Variants in MBD5 observed in about 807,000 individuals in gnomAD.
MBD5 encodes the protein methyl-CpG-binding domain protein 5.
In MBD5, 13 loss-of-function variants were observed where a neutral mutation model predicts 117.3. The observed-to-expected ratio is 0.11, with a 90% confidence interval of 0.07 to 0.18. The LOEUF is 0.18. Ranked by LOEUF, MBD5 falls within the 10% of genes least tolerant of loss-of-function variation. The probability of loss-of-function intolerance (pLI) is 1.00; values close to 1 mark genes in which losing one functional copy is unlikely to be tolerated. For synonymous variants in MBD5, 727 were observed against 766.4 expected (o/e 0.95, Z 0.85); for missense variants, 1,879 against 2,093.8 (o/e 0.90, Z 2.00).
At chr2:148,123,278 T>G (rs929139029) in intron 1 of MBD5, among the ~76,000 whole-genome samples, 9 of 152,230 alleles carry the variant, frequency 5.9e-5, no homozygotes, top group Non-Finnish European at 1.2e-4. Flanking sequence ...AACAGATATA[T>G]GTCTTAAGAA....
intron 1 of MBD5, among the ~76,000 whole-genome samples, chr2:148,138,882 A>G (rs1454588863): frequency 6.6e-6 from 1 of 152,184 alleles, no homozygotes; most frequent in Non-Finnish European, 1.5e-5. Context: ...AAGAATGATA[A>G]ACAATTGATT....
At chr2:148,042,276 T>C (rs965963382) in intron 1 of MBD5, among the ~76,000 whole-genome samples, 2 of 152,200 alleles carry the variant, frequency 1.3e-5, no homozygotes, top group African/African-American at 4.8e-5. Flanking sequence ...TGTCCTTTCT[T>C]GGCAATTTTT....
chr2:148,475,429 C>T (rs963768792), intron 8 of MBD5, among the ~76,000 whole-genome samples: 1 of 151,566 alleles, frequency 6.6e-6, no homozygotes, highest in Non-Finnish European at 1.5e-5. Flanking sequence ...ATTTTGTTTA[C>T]TTATTCCAGG....
At chr2:148,438,062 G>A (rs182920474) in intron 4 of MBD5, among the ~76,000 whole-genome samples, 10 of 152,242 alleles carry the variant, frequency 6.6e-5, no homozygotes, top group East Asian at 3.9e-4. Flanking sequence ...ATGTACTTTC[G>A]TGGAGTCAAA....
chr2:148,212,341 C>T (rs1202789931), intron 2 of MBD5, among the ~76,000 whole-genome samples: 1 of 152,124 alleles, frequency 6.6e-6, no homozygotes, highest in Non-Finnish European at 1.5e-5. Context: ...AATACATGGC[C>T]TTTTGTTTCT....
chr2:148,146,541 A>G (rs1192385902), intron 1 of MBD5, among the ~76,000 whole-genome samples: 1 of 151,726 alleles, frequency 6.6e-6, no homozygotes, highest in African/African-American at 2.4e-5. Context: ...CTGGCCTTGT[A>G]TTTGCCTTTT....
intron 1 of MBD5, among the ~76,000 whole-genome samples, chr2:148,066,687 A>G (rs1020593585): frequency 5.3e-5 from 8 of 152,028 alleles, no homozygotes; most frequent in African/African-American, 1.7e-4. Context: ...TGTGTTGCCT[A>G]GCCTGGTCTT....
rs183323132 is a variant in MBD5, at chr2:148,341,837, T to C, written c.-679-377T>C. On this transcript the variant is annotated intron_variant, in intron 3 of 13. Transcript: ENST00000642680. ...AGTACCTGGCACAGAGCAATAAATA[T>C]TGTTGAATAAATATCAAATAAAAAG... 8.5e-3 allele frequency among the ~76,000 whole-genome samples: 1,258 copies of C among 147,938 alleles called. 8 individuals carry two copies. Among genetic ancestry groups the C allele is most frequent in the Middle Eastern group, 0.017 (5 of 290 alleles).
At chr2:148,180,358 A>ATATATATATATATATATATG (rs1302286887) in intron 2 of MBD5, among the ~76,000 whole-genome samples, 1 of 118,904 alleles carries the variant, frequency 8.4e-6, no homozygotes, top group Non-Finnish European at 1.9e-5. Flanking sequence ...ATATATATAT[A>ATATATATATATATATATATG]TATGTATATA....
intron 4 of MBD5, among the ~76,000 whole-genome samples, chr2:148,353,879 C>A (rs1323625164): frequency 1.1e-4 from 16 of 152,122 alleles, no homozygotes; most frequent in Admixed American, 1.0e-3. Flanking sequence ...CCATGCCCAT[C>A]CTTTATTTAG....
intron 1 of MBD5, among the ~76,000 whole-genome samples, chr2:148,140,833 T>C (rs1218995087): frequency 6.6e-6 from 1 of 152,016 alleles, no homozygotes; most frequent in East Asian, 1.9e-4. Context: ...TGGTGTGATC[T>C]TGGCCCACTG....
chr2:148,179,039 C>T (rs1698454182), intron 2 of MBD5, among the ~76,000 whole-genome samples: 1 of 152,062 alleles, frequency 6.6e-6, no homozygotes, highest in African/African-American at 2.4e-5. Flanking sequence ...CAAGTGCAAA[C>T]CAGTTAAGAA....
chr2:148,183,193 C>T (rs1273038555), intron 2 of MBD5, among the ~76,000 whole-genome samples: 1 of 151,998 alleles, frequency 6.6e-6, no homozygotes, highest in Non-Finnish European at 1.5e-5. Flanking sequence ...GGTCTGATGT[C>T]CTCTACATTT....
rs184052430 is a variant in MBD5, at chr2:148,398,623, G to T, written c.-557+56287G>T. Among the ~76,000 whole-genome samples the T allele has an allele frequency of 8.3e-3, 1,259 of 152,202 alleles. 21 individuals carry two copies. Among genetic ancestry groups the T allele is most frequent in the African/African-American group, 0.026 (1,076 of 41,498 alleles). On this transcript the variant is annotated intron_variant, in intron 4 of 13. Coordinates refer to ENST00000642680, the MANE Select transcript of MBD5 (RefSeq NM_001378120.1). ...AGGTTGCCTGTTCACTCTGATGGTA[G>T]TTTCTTTTGCTGTGCACAAGCTCTT...
intron 8 of MBD5, among the ~76,000 whole-genome samples, chr2:148,481,038 A>C (rs1421470650): frequency 6.6e-6 from 1 of 151,834 alleles, no homozygotes; most frequent in African/African-American, 2.4e-5. Flanking sequence ...TTTTATTTTT[A>C]TAGACTTTTC....
At chr2:148,321,308 T>TA (rs34338782) in intron 3 of MBD5, among the ~76,000 whole-genome samples, 34 of 147,792 alleles carry the variant, frequency 2.3e-4, no homozygotes, top group East Asian at 9.8e-4. Context: ...GCTGATGAAC[T>TA]AAAAAAAAAA....
chr2:148,244,555 C>G (rs1700292839), intron 3 of MBD5, among the ~76,000 whole-genome samples: 1 of 151,940 alleles, frequency 6.6e-6, no homozygotes, highest in African/African-American at 2.4e-5. Context: ...ATCATTTTGT[C>G]TTTGTATGTT....
intron 3 of MBD5, among the ~76,000 whole-genome samples, chr2:148,320,246 C>G (rs1469751862): frequency 6.6e-6 from 1 of 152,068 alleles, no homozygotes; most frequent in Admixed American, 6.6e-5. Context: ...CCATACAGAC[C>G]TCATAGAATG....
intron 4 of MBD5, among the ~76,000 whole-genome samples, chr2:148,376,797 T>G (rs1704001570): frequency 7.5e-6 from 1 of 133,502 alleles, no homozygotes. Context: ...TATATATAAT[T>G]TTATATATAA....
Sources: gnomAD v4.1 joint callset for allele counts (sites outside exome capture counted in the v4.1 genomes callset) on GRCh38, gnomAD v4.1.1 for gene constraint, MANE v1.5 for transcripts, NCBI Gene and HGNC (gene_info 2026-07-23, HGNC 2026-07-21) for gene names.